The following ZNF44 variants were observed in gnomAD, a reference collection of about 807,000 sequenced individuals.
ZNF44 encodes gonadotropin inducible transcription repressor-2.
A neutral mutation model predicts 11.7 loss-of-function variants in ZNF44; 9 were observed. The observed-to-expected ratio is 0.77, with a 90% CI of 0.46 to 1.35. The LOEUF (loss-of-function observed/expected upper bound fraction) is 1.35, where lower values mean the gene tolerates loss of function less well. Among genes scored for constraint, ZNF44 ranks in the 40% most tolerant of loss-of-function variants. The pLI, the probability that ZNF44 is intolerant of heterozygous loss-of-function variation, is 0.00. For synonymous variants in ZNF44, 224 were observed against 242.7 expected (o/e 0.92, Z 0.72); for missense variants, 696 against 743.1 (o/e 0.94, Z 0.74).
At chr19:12,291,158 G>T in intron 1 of ZNF44, 1 of 415,196 alleles carries the variant, frequency 2.4e-6, no homozygotes, top group Non-Finnish European at 4.7e-6. Flanking sequence ...AAGTTCTTTA[G>T]CTATTGCAAA....
At chr19:12,258,975 A>G (rs2096258103) in intron 5 of ZNF44, among the ~76,000 whole-genome samples, 1 of 152,022 alleles carries the variant, frequency 6.6e-6, no homozygotes, top group African/African-American at 2.4e-5. Context: ...CCCAGGCGCA[A>G]GCTACCCTCC....
At position 12,294,855 on chromosome 19, in the gene ZNF44, C is replaced by T. The variant is rs1599557514; in HGVS notation, c.-161G>A. The T allele has an allele frequency of 1.3e-6, 1 of 767,250 alleles. No individual in the cohort carries two copies. The highest frequency in any genetic ancestry group is 2.0e-6 in the Non-Finnish European group (1 of 507,402). The allele number at this position is 767,250 out of a possible 1,614,324, so 47.5% of individuals were successfully genotyped here. A position where few individuals can be genotyped will look rare whatever the true frequency, so the allele number is the denominator to read the frequency against. ...GGCCACTAGCTCCTGGAACGTCACA[C>T]CCTCCTCTCTGCCTCGCGCCTGATT... On this transcript the variant is annotated 5_prime_UTR_variant, in exon 1 of 4. It adds an upstream start codon to the 5' untranslated region. Transcript: ENST00000355684.
intron 1 of ZNF44, among the ~76,000 whole-genome samples, chr19:12,279,614 C>A (rs1326923262): frequency 1.3e-5 from 2 of 151,690 alleles, no homozygotes; most frequent in African/African-American, 2.4e-5. Flanking sequence ...AACAGTAAAG[C>A]AACTGTCTTA....
intron 5 of ZNF44, among the ~76,000 whole-genome samples, chr19:12,257,225 A>G (rs1022978815): frequency 6.6e-6 from 1 of 152,206 alleles, no homozygotes; most frequent in Admixed American, 6.5e-5. Context: ...TGACTACAGA[A>G]TATCTACCAC....
At chr19:12,253,187 CTTT>C (rs763591024) in intron 5 of ZNF44, among the ~76,000 whole-genome samples, 13 of 110,242 alleles carry the variant, frequency 1.2e-4, no homozygotes, top group Middle Eastern at 6.3e-3. Flanking sequence ...CTGCACCTGG[CTTT>C]TTTTTTTTTT....
chr19:12,284,889 A>G, intron 1 of ZNF44: 2 of 735,310 alleles, frequency 2.7e-6, no homozygotes, highest in South Asian at 3.0e-5. Flanking sequence ...GGTGCGCCTC[A>G]TCCCCGCACC....
intron 5 of ZNF44, among the ~76,000 whole-genome samples, chr19:12,255,134 C>A (rs62111276): frequency 4.9e-5 from 7 of 143,736 alleles, no homozygotes; most frequent in Admixed American, 4.8e-4. Context: ...ACACACACAC[C>A]CCTTTGTGGG....
At chr19:12,274,947 AC>A (rs2145729703) in intron 3 of ZNF44, 25 bp downstream of exon 3, 1 of 1,548,052 alleles carries the variant, frequency 6.5e-7, no homozygotes, top group South Asian at 1.2e-5. Flanking sequence ...CAAGGACATC[AC>A]CTGTCTCTTA....
downstream of ZNF44, among the ~76,000 whole-genome samples, chr19:12,244,049 G>GT (rs1409605008): frequency 6.6e-6 from 1 of 151,928 alleles, no homozygotes; most frequent in Non-Finnish European, 1.5e-5. Flanking sequence ...TAATTTGTTA[G>GT]TTTTTTGAGA....
chr19:12,268,182 A>ACACAC (rs1555739617), downstream of ZNF44, among the ~76,000 whole-genome samples: 849 of 99,552 alleles, frequency 8.5e-3, 9 homozygotes, highest in South Asian at 0.032. Context: ...ACACACACAC[A>ACACAC]AGCTCCTTCC....
downstream of ZNF44, among the ~76,000 whole-genome samples, chr19:12,270,168 A>C (rs1488587085): frequency 6.6e-6 from 1 of 152,106 alleles, no homozygotes; most frequent in Non-Finnish European, 1.5e-5. Flanking sequence ...GTAATGATAA[A>C]TAACTAGGGT....
At chr19:12,244,666 C>T (rs1916719952), downstream of ZNF44, 1 of 152,602 alleles carries the variant, frequency 6.6e-6, no homozygotes, top group Non-Finnish European at 1.5e-5. Context: ...AACCATGTCT[C>T]CGATAACCTA....
chr19:12,273,461 T>C lies in ZNF44; in HGVS notation c.794A>G (p.Tyr265Cys), dbSNP rs370068036. Residue 265 changes from tyrosine to cysteine, a missense_variant, in exon 4 of 4, where the codon TAC becomes TGC. Transcript: ENST00000355684. ...TCTTTCATGTCTTAGATATGAACTG[T>C]AATCAGGGAAGGCTTTAGAACACTG... ...CKQCSKAFPDYSSYLRHERTH... is the reference protein window; with the variant it reads ...CKQCSKAFPDCSSYLRHERTH... The C allele has an allele frequency of 1.2e-5, 20 of 1,613,914 alleles. No individual in the cohort carries two copies. Among genetic ancestry groups the C allele is most frequent in the African/African-American group, 2.7e-5 (2 of 74,868 alleles).
intron 3 of ZNF44, among the ~76,000 whole-genome samples, chr19:12,228,637 ACAAC>A (rs758397726): frequency 2.0e-5 from 3 of 152,158 alleles, no homozygotes; most frequent in Non-Finnish European, 4.4e-5. Flanking sequence ...CTCTCTTTAA[ACAAC>A]CAGTTAATTT....
chr19:12,284,375 C>T, intron 1 of ZNF44: 1 of 607,552 alleles, frequency 1.6e-6, no homozygotes, highest in Non-Finnish European at 3.1e-6. Flanking sequence ...GGTCCAGAGG[C>T]CCTGGGGACC....
At position 12,272,960 on chromosome 19, in the gene ZNF44, G is replaced by T. The variant is rs1351857175; in HGVS notation, c.1295C>A (p.Thr432Asn). ...ECKQCGKAFR[T>N]SSSLRKHETT... is the part of the protein sequence containing the mutation. ...TTCATGTTTTCGAAGGGAACTGGAA[G>T]TACGGAAGGCTTTCCCACATTGCTT... is the stretch of plus-strand genomic sequence containing the variant. Residue 432 changes from threonine to asparagine, a missense_variant, in exon 4 of 4, where the codon ACT becomes AAT. Transcript: ENST00000355684. 2 of 1,613,120 alleles carry T rather than the reference G, an allele frequency of 1.2e-6. No individual in the cohort carries two copies. The highest frequency in any genetic ancestry group is 1.7e-6 in the Non-Finnish European group (2 of 1,179,812).
intron 1 of ZNF44, chr19:12,284,589 G>A: frequency 1.4e-6 from 1 of 716,060 alleles, no homozygotes. Flanking sequence ...TGAGATCATT[G>A]ACTTGTTCCT....
intron 1 of ZNF44, chr19:12,284,583 A>G: frequency 1.4e-6 from 1 of 716,028 alleles, no homozygotes; most frequent in Non-Finnish European, 2.6e-6. Flanking sequence ...GGAATCTGAG[A>G]TCATTGACTT....
downstream of ZNF44, chr19:12,247,254 T>TTCGATA: frequency 8.5e-7 from 1 of 1,170,508 alleles, no homozygotes; most frequent in African/African-American, 1.6e-5. Context: ...TTGAAAAACT[T>TTCGATA]TCGATATTTA....
Sources: allele counts gnomAD v4.1 joint callset (sites outside exome capture counted in the v4.1 genomes callset), GRCh38; gene constraint gnomAD v4.1.1; transcripts MANE v1.5; gene names NCBI Gene and HGNC (gene_info 2026-07-23, HGNC 2026-07-21).